DOCK1: variants seen among roughly 807,000 people sequenced by gnomAD.
DOCK1 encodes the protein dedicator of cytokinesis protein 1.
DOCK1 carries 138 observed loss-of-function variants against 262.7 expected under a neutral mutation model. The ratio of observed to expected loss-of-function variants is 0.53; its 90% confidence interval spans 0.46 to 0.61. DOCK1 has a LOEUF of 0.61. Ranked by LOEUF, DOCK1 falls within the 20% of genes least tolerant of loss-of-function variation. The pLI, the probability that DOCK1 is intolerant of heterozygous loss-of-function variation, is 0.00. For synonymous variants in DOCK1, 866 were observed against 867.4 expected (o/e 1.00, Z 0.03); for missense variants, 1,908 against 2,370.7 (o/e 0.80, Z 4.05).
chr10:127,035,560 G>A (rs928623200), intron 18 of DOCK1, among the ~76,000 whole-genome samples: 12 of 152,094 alleles, frequency 7.9e-5, no homozygotes, highest in Admixed American at 2.0e-4. Flanking sequence ...ACAATACAGC[G>A]TGCCACCAAC....
In DOCK1 at chr10:127,175,375, C is replaced by G; in HGVS notation, c.2847+47611C>G. On this transcript the variant is annotated intron_variant, in intron 27 of 51. Transcript: ENST00000623213. This position sits in a 1 kb window ranked among gnomAD's most constrained non-coding sequence, Gnocchi z 6.3. ...ATTCGTTGGCATTCTTCACCTGCAG[C>G]AACCGCTGTGGGACTAGGCTGGTTC... The G allele has an allele frequency of 6.2e-7, 1 of 1,614,044 alleles. No individual in the cohort carries two copies. Among genetic ancestry groups the G allele is most frequent in the Non-Finnish European group, 8.5e-7 (1 of 1,180,044 alleles).
chr10:127,355,449 T>G lies in DOCK1; in HGVS notation c.3283+722T>G, dbSNP rs1270550474. ...ATGAAGCTCTCTCTGGCTCCTGCCG[T>G]CAGCCCTCGGGCTTGCTTTGTGCCG... On this transcript the variant is annotated intron_variant, in intron 32 of 51. Transcript: ENST00000623213. 2.6e-5 allele frequency among the ~76,000 whole-genome samples: 4 copies of G among 152,290 alleles called. No individual in the cohort carries two copies. In the East Asian group the frequency reaches 7.8e-4, roughly 30 times the overall value.
At chr10:126,921,138 T>A (rs1033216369) in intron 1 of DOCK1, among the ~76,000 whole-genome samples, 2 of 150,184 alleles carry the variant, frequency 1.3e-5, no homozygotes, top group Non-Finnish European at 2.9e-5. Context: ...AGGCAGAGGT[T>A]GCAGTGAGCC....
At chr10:127,207,027 A>G (rs1274469570) in intron 27 of DOCK1, among the ~76,000 whole-genome samples, 1 of 152,294 alleles carries the variant, frequency 6.6e-6, no homozygotes, top group East Asian at 1.9e-4. Flanking sequence ...TTGGCAGTGG[A>G]GGTGTAATCT....
chr10:127,171,387 C>T (rs926586657), intron 27 of DOCK1, among the ~76,000 whole-genome samples: 3 of 152,192 alleles, frequency 2.0e-5, no homozygotes, highest in African/African-American at 4.8e-5. Context: ...ACATACATTG[C>T]CCAGGGCCAT....
chr10:126,926,255 C>CTT (rs559299060), intron 1 of DOCK1, among the ~76,000 whole-genome samples: 7 of 145,158 alleles, frequency 4.8e-5, no homozygotes, highest in African/African-American at 1.8e-4. Context: ...TTCTTTCTTT[C>CTT]TTTTTTTTTT....
At chr10:126,960,349 G>T (rs968393524) in intron 1 of DOCK1, among the ~76,000 whole-genome samples, 1 of 151,786 alleles carries the variant, frequency 6.6e-6, no homozygotes, top group Non-Finnish European at 1.5e-5. Context: ...TAGAGGAGGG[G>T]TCCTCAGTGG....
chr10:127,415,575 C>A (rs1340153513), intron 44 of DOCK1, among the ~76,000 whole-genome samples: 1 of 152,188 alleles, frequency 6.6e-6, no homozygotes, highest in African/African-American at 2.4e-5. Context: ...AAGACAAATT[C>A]CAGTCTACAT....
intron 33 of DOCK1, among the ~76,000 whole-genome samples, chr10:127,373,548 C>T (rs939636795): frequency 1.3e-5 from 2 of 151,854 alleles, no homozygotes; most frequent in South Asian, 2.1e-4. Context: ...GCTATCAGGA[C>T]GTGCAGGTTC....
intron 27 of DOCK1, among the ~76,000 whole-genome samples, chr10:127,196,511 C>T (rs1268630331): frequency 6.8e-6 from 1 of 147,904 alleles, no homozygotes; most frequent in Non-Finnish European, 1.5e-5. Flanking sequence ...TCCGCGGAGC[C>T]GGGCGGCCAG....
chr10:127,200,104 T>C (rs1314383663), intron 27 of DOCK1, among the ~76,000 whole-genome samples: 2 of 152,230 alleles, frequency 1.3e-5, no homozygotes, highest in African/African-American at 2.4e-5. Context: ...TGAATTTTTC[T>C]TTCCCATGTC....
chr10:127,006,815 T>C (rs755679394), intron 10 of DOCK1, among the ~76,000 whole-genome samples: 1 of 152,064 alleles, frequency 6.6e-6, no homozygotes, highest in Non-Finnish European at 1.5e-5. Flanking sequence ...ATGAGTCCCA[T>C]GGCAGAGCAG....
At chr10:127,024,867 C>T (rs1476279223) in intron 15 of DOCK1, 84 bp downstream of exon 15, 9 of 1,244,272 alleles carry the variant, frequency 7.2e-6, no homozygotes, top group Non-Finnish European at 1.0e-5. Context: ...TAACATCCTC[C>T]TCAGCCCGGG....
chr10:127,185,325 A>G (rs887138460), intron 27 of DOCK1, among the ~76,000 whole-genome samples: 9 of 152,094 alleles, frequency 5.9e-5, no homozygotes. Context: ...TCAGGAGATC[A>G]AGACCATCCT....
At position 127,100,114 on chromosome 10, in the gene DOCK1, C is replaced by T. The variant is rs182528381; in HGVS notation, c.2446-6117C>T. On this transcript the variant is annotated intron_variant, in intron 23 of 51. Coordinates refer to ENST00000623213, the MANE Select transcript of DOCK1 (RefSeq NM_001290223.2). The surrounding 1 kb of genome is among the most constrained non-coding windows in gnomAD (Gnocchi z 5.5). The stretch of plus-strand genomic sequence containing the variant: ...GGATAGGTTCCCTGTGTCCCATGAG[C>T]AGGGGACGTTGCCACAGTATCTAAA... Among the ~76,000 whole-genome samples, 3 of 152,240 alleles carry T rather than the reference C, an allele frequency of 2.0e-5. No individual in the cohort carries two copies. The highest frequency in any genetic ancestry group is 3.9e-4 in the East Asian group (2 of 5,168).
chr10:127,069,351 C>T (rs542600380), intron 23 of DOCK1, among the ~76,000 whole-genome samples: 46 of 152,232 alleles, frequency 3.0e-4, no homozygotes, highest in East Asian at 7.7e-4. Flanking sequence ...ACGAGAACTC[C>T]GGTGCGTTCC....
At chr10:126,988,597 A>G (rs1490353424) in intron 5 of DOCK1, among the ~76,000 whole-genome samples, 1 of 152,232 alleles carries the variant, frequency 6.6e-6, no homozygotes, top group Non-Finnish European at 1.5e-5. Context: ...TTAAACAAAA[A>G]TATGGCAACA....
intron 33 of DOCK1, 21 bp from the exon 34 acceptor site, chr10:127,373,760 G>C (rs368241191): frequency 6.3e-7 from 1 of 1,588,180 alleles, no homozygotes; most frequent in Non-Finnish European, 8.6e-7. Context: ...GATTATTTAC[G>C]CTTCCTCTGT....
chr10:127,386,448 C>T (rs1286320647), intron 38 of DOCK1, among the ~76,000 whole-genome samples: 2 of 152,032 alleles, frequency 1.3e-5, no homozygotes, highest in African/African-American at 2.4e-5. Flanking sequence ...TCCCCATCGC[C>T]CGCATTACCA....
Sources: allele counts gnomAD v4.1 joint callset (sites outside exome capture counted in the v4.1 genomes callset), GRCh38; gene constraint gnomAD v4.1.1; non-coding constraint Gnocchi (gnomAD v3.1); transcripts MANE v1.5; gene names NCBI Gene and HGNC (gene_info 2026-07-23, HGNC 2026-07-21).